The following RPS6KA2 variants were observed in gnomAD, a reference collection of about 807,000 sequenced individuals.
RPS6KA2 encodes ribosomal protein S6 kinase A2.
In RPS6KA2, 42 loss-of-function variants were observed where a neutral mutation model predicts 91.8. That is an observed-to-expected ratio of 0.46 (90% CI 0.36 to 0.59). RPS6KA2 has a LOEUF of 0.59. RPS6KA2 is among the 20% of genes least tolerant of loss of function. The pLI is 0.00. For missense variants in RPS6KA2, 798 were observed against 978.5 expected (o/e 0.82, Z 2.46); for synonymous variants, 414 against 393.6 (o/e 1.05, Z -0.61).
intron 2 of RPS6KA2, among the ~76,000 whole-genome samples, chr6:166,651,022 C>T (rs987469442): frequency 7.9e-5 from 12 of 152,292 alleles, no homozygotes; most frequent in South Asian, 4.1e-4. Flanking sequence ...GGACCTGCCC[C>T]GTGATGTGGT....
intron 2 of RPS6KA2, among the ~76,000 whole-genome samples, chr6:166,836,631 C>T (rs570107756): frequency 3.3e-4 from 50 of 152,290 alleles, no homozygotes; most frequent in African/African-American, 1.2e-3. Context: ...TCAGTGTCTC[C>T]TCACACACAC....
chr6:166,413,881 C>A lies in RPS6KA2; in HGVS notation c.1989G>T (p.Ala663=). The A allele has an allele frequency of 6.2e-7, 1 of 1,614,122 alleles. No individual in the cohort carries two copies. The highest frequency in any genetic ancestry group is 1.7e-5 in the Admixed American group (1 of 60,020). Residue 663 remains alanine (A), a synonymous_variant, in exon 20 of 21, where the codon GCG becomes GCT. Coordinates refer to ENST00000265678, the MANE Select transcript of RPS6KA2 (RefSeq NM_021135.6). The part of the protein sequence containing the change: ...LHVDPHQRLT[A]MQVLKHPWVV... ...CCCACGGGTGTTTGAGCACTTGCAT[C>A]GCCGTCAGGCGCTGATGAGGGTCCA...
intron 2 of RPS6KA2, among the ~76,000 whole-genome samples, chr6:166,637,924 G>A (rs1787299305): frequency 1.3e-5 from 2 of 152,266 alleles, no homozygotes; most frequent in South Asian, 4.1e-4. Context: ...GGCTGAGGGA[G>A]GACCCCATAA....
At chr6:166,854,109 A>G (rs1446914873) in intron 2 of RPS6KA2, among the ~76,000 whole-genome samples, 5 of 152,152 alleles carry the variant, frequency 3.3e-5, no homozygotes, top group African/African-American at 9.7e-5. Flanking sequence ...TTAGACCAAG[A>G]ATCCACCCAT....
Position 166,498,494 on chromosome 6 carries a change from C to T in RPS6KA2, c.747+14G>A, listed in dbSNP as rs770357450. On this transcript the variant is annotated intron_variant, in intron 8 of 20. Coordinates refer to ENST00000265678, the MANE Select transcript of RPS6KA2 (RefSeq NM_021135.6). ...CAGCCGCCATGGCACAGAAGAGGGT[C>T]GGGGCAGGCTCACCATGAGCACGCC... The T allele has an allele frequency of 2.3e-5, 37 of 1,599,988 alleles. No homozygotes were observed. The highest frequency in any genetic ancestry group is 5.4e-5 in the African/African-American group (4 of 74,070).
intron 2 of RPS6KA2, among the ~76,000 whole-genome samples, chr6:166,785,196 G>A (rs1201035063): frequency 1.3e-5 from 2 of 152,290 alleles, no homozygotes; most frequent in South Asian, 2.1e-4. Flanking sequence ...ACAATCTTCC[G>A]AATTCTTGAT....
At chr6:166,758,497 G>A (rs1027067643) in intron 2 of RPS6KA2, among the ~76,000 whole-genome samples, 1 of 152,232 alleles carries the variant, frequency 6.6e-6, no homozygotes, top group East Asian at 1.9e-4. Flanking sequence ...CCAGGGCTCC[G>A]TGTGATTGGC....
intron 19 of RPS6KA2, among the ~76,000 whole-genome samples, chr6:166,416,702 T>C (rs1270182075): frequency 7.0e-6 from 1 of 143,772 alleles, no homozygotes; most frequent in Non-Finnish European, 1.5e-5. Flanking sequence ...TCCACCATCA[T>C]CTCCACAATC....
chr6:166,467,987 T>A (rs1780606206), intron 11 of RPS6KA2, among the ~76,000 whole-genome samples: 1 of 152,250 alleles, frequency 6.6e-6, no homozygotes, highest in Non-Finnish European at 1.5e-5. Flanking sequence ...TGCAACATGC[T>A]GTGACCCCCT....
intron 2 of RPS6KA2, among the ~76,000 whole-genome samples, chr6:166,531,661 C>T (rs1306278161): frequency 6.6e-6 from 1 of 152,154 alleles, no homozygotes; most frequent in Non-Finnish European, 1.5e-5. Flanking sequence ...TTGAGTATCC[C>T]TCTGTAAATC....
intron 1 of RPS6KA2, among the ~76,000 whole-genome samples, chr6:166,584,528 A>G (rs1002055764): frequency 2.0e-5 from 3 of 152,222 alleles, no homozygotes; most frequent in Non-Finnish European, 2.9e-5. Flanking sequence ...CACTTTTTAT[A>G]GCTCTATTAG....
In RPS6KA2 at chr6:166,448,641, ATGCTCCG is replaced by A; in HGVS notation, c.1332+76_1332+82del. 2 of 1,486,182 alleles carry A rather than the reference ATGCTCCG, an allele frequency of 1.3e-6. No homozygotes were observed. Among genetic ancestry groups the A allele is most frequent in the Non-Finnish European group, 1.8e-6 (2 of 1,102,662 alleles). 92.1% of individuals were successfully genotyped at this position (1,486,182 alleles called of 1,614,324 possible). On this transcript the variant is annotated intron_variant, in intron 14 of 20. Coordinates refer to ENST00000265678, the MANE Select transcript of RPS6KA2 (RefSeq NM_021135.6). This position sits in a 1 kb window ranked among gnomAD's most constrained non-coding sequence, Gnocchi z 4.7. ...TCACACAGGGCCCTGCTATGCTCCT[ATGCTCCG>A]TGCTCCCACATACCACACGTGCTCC...
chr6:166,656,836 C>A (rs192112607), intron 2 of RPS6KA2, among the ~76,000 whole-genome samples: 2 of 152,208 alleles, frequency 1.3e-5, no homozygotes, highest in Non-Finnish European at 2.9e-5. Flanking sequence ...TCCAGATTCA[C>A]CGCGGTGCAT....
chr6:166,810,099 G>T (rs185521509), intron 2 of RPS6KA2, among the ~76,000 whole-genome samples: 3 of 152,160 alleles, frequency 2.0e-5, no homozygotes, highest in African/African-American at 7.2e-5. Context: ...AGGATGGAGC[G>T]AGTGCACGCA....
chr6:166,611,278 C>T (rs1023559619), intron 1 of RPS6KA2, among the ~76,000 whole-genome samples: 15 of 152,164 alleles, frequency 9.9e-5, no homozygotes, highest in Admixed American at 2.0e-4. Flanking sequence ...GCTAAATATA[C>T]CATATGTGCC....
chr6:166,649,505 T>C (rs1582985738), intron 2 of RPS6KA2, among the ~76,000 whole-genome samples: 1 of 152,234 alleles, frequency 6.6e-6, no homozygotes, highest in East Asian at 1.9e-4. Flanking sequence ...ATCCTCCTCA[T>C]GGTATATAGA....
At chr6:166,632,331 G>C (rs952827148) in intron 2 of RPS6KA2, among the ~76,000 whole-genome samples, 2 of 152,172 alleles carry the variant, frequency 1.3e-5, no homozygotes, top group Non-Finnish European at 2.9e-5. Context: ...TGCAACTTTT[G>C]GCTGCACGGG....
intron 2 of RPS6KA2, among the ~76,000 whole-genome samples, chr6:166,839,010 C>A (rs1201289092): frequency 1.3e-5 from 2 of 152,180 alleles, no homozygotes; most frequent in Non-Finnish European, 2.9e-5. Context: ...CCTCTGGAGG[C>A]TGGCACAGGC....
rs1358467432 is a variant in RPS6KA2, at chr6:166,727,319, A to AACAAAC, written c.123+130880_123+130881insGTTTGT. On this transcript the variant is annotated intron_variant, in intron 2 of 21. Coordinates refer to the RPS6KA2 transcript ENST00000503859. ...ATTATAGATCATACTTAAACAAACAAACACACACACACACACACACACACA... is the reference window on the plus strand; with the variant it reads ...ATTATAGATCATACTTAAACAAACAAACAAACACACACACACACACACACACACACA... Among the ~76,000 whole-genome samples the AACAAAC allele has an allele frequency of 4.8e-3, 703 of 146,634 alleles. 5 individuals carry two copies. The highest frequency in any genetic ancestry group is 0.017 in the African/African-American group (672 of 40,614).
Sources: allele counts gnomAD v4.1 joint callset (sites outside exome capture counted in the v4.1 genomes callset), GRCh38; gene constraint gnomAD v4.1.1; non-coding constraint Gnocchi (gnomAD v3.1); transcripts MANE v1.5; gene names NCBI Gene and HGNC (gene_info 2026-07-23, HGNC 2026-07-21).